Variants in PRKN observed in about 807,000 individuals in gnomAD.
The protein encoded by PRKN is parkin RBR E3 ubiquitin protein ligase, also known as E3 ubiquitin-protein ligase parkin.
PRKN carries 56 observed loss-of-function variants against 59.5 expected under a neutral mutation model. That is an observed-to-expected ratio of 0.94 (90% confidence interval 0.76 to 1.18). PRKN has a LOEUF of 1.18. Ranked by LOEUF, PRKN falls within the 50% of genes most tolerant of loss-of-function variation. The pLI, the probability that PRKN is intolerant of heterozygous loss-of-function variation, is 0.00. For synonymous variants in PRKN, 250 were observed against 222.1 expected, an observed-to-expected ratio of 1.13 and a Z score of -1.12; for missense variants, 657 against 596.4, an observed-to-expected ratio of 1.10 and a Z score of -1.06.
chr6:162,498,218 A>G (rs1793160517), intron 1 of PRKN, among the ~76,000 whole-genome samples: 1 of 151,928 alleles, frequency 6.6e-6, no homozygotes, highest in Non-Finnish European at 1.5e-5. Flanking sequence ...TGTTCAGTCT[A>G]TTGTGTACAA....
chr6:161,770,774 A>G (rs941732061), intron 7 of PRKN, among the ~76,000 whole-genome samples: 1 of 152,056 alleles, frequency 6.6e-6, no homozygotes, highest in Non-Finnish European at 1.5e-5. Flanking sequence ...GGCCGGCAAC[A>G]GGGCCTTTAA....
In PRKN at chr6:162,536,477, A is replaced by T. The variant is rs573597243; in HGVS notation, c.8-93004T>A. The stretch of plus-strand genomic sequence containing the variant: ...AAGGTCACCTGCTTTAAAAAAAATA[A>T]AGACAACACATGGAACTCAGTAGAG... On this transcript the variant is annotated intron_variant, in intron 1 of 11. Transcript: ENST00000366898. 3.9e-5 allele frequency among the ~76,000 whole-genome samples: 6 copies of T among 152,224 alleles called. No individual in the cohort carries two copies. The South Asian group carries it at 1.2e-3, about 32-fold the overall frequency.
At chr6:161,688,932 A>G (rs1384399592) in intron 7 of PRKN, among the ~76,000 whole-genome samples, 4 of 152,190 alleles carry the variant, frequency 2.6e-5, no homozygotes, top group South Asian at 4.1e-4. Flanking sequence ...ATGATTGCCA[A>G]TTCATTCAGA....
At chr6:162,229,617 C>A (rs1778334592) in intron 3 of PRKN, among the ~76,000 whole-genome samples, 1 of 152,198 alleles carries the variant, frequency 6.6e-6, no homozygotes, top group Admixed American at 6.5e-5. Flanking sequence ...ATCACCAGTT[C>A]ATTCCCAGAT....
rs1042862895 is a variant in PRKN at position 161,471,661 on chromosome 6, C to T, written c.1083+77193G>A. Among the ~76,000 whole-genome samples, 2 of 152,102 alleles carry T rather than the reference C, an allele frequency of 1.3e-5. No homozygotes were observed. Among genetic ancestry groups the T allele is most frequent in the African/African-American group, 2.4e-5 (1 of 41,416 alleles). ...TCAGGATTCAAAAACATCCCCCCAC[C>T]GTCTGACATCACTGGGTAATCTAAC... On this transcript the variant is annotated intron_variant, in intron 9 of 11. Coordinates refer to ENST00000366898, the MANE Select transcript of PRKN (RefSeq NM_004562.3). This position sits in a 1 kb window ranked among gnomAD's most constrained non-coding sequence, Gnocchi z 4.5.
At chr6:161,398,514 G>A (rs922408447) in intron 9 of PRKN, among the ~76,000 whole-genome samples, 1 of 152,104 alleles carries the variant, frequency 6.6e-6, no homozygotes, top group African/African-American at 2.4e-5. Context: ...TAGAGACCCT[G>A]TTCTAGCTCA....
intron 9 of PRKN, among the ~76,000 whole-genome samples, chr6:161,496,265 C>A (rs1185041223): frequency 6.6e-6 from 1 of 152,162 alleles, no homozygotes; most frequent in Non-Finnish European, 1.5e-5. Context: ...TGAGTTGTAT[C>A]CCTTACAAAG....
intron 7 of PRKN, among the ~76,000 whole-genome samples, chr6:161,694,537 T>C (rs539072171): frequency 4.0e-4 from 61 of 152,258 alleles, no homozygotes; most frequent in African/African-American, 1.5e-3. Flanking sequence ...TTTTTAACTG[T>C]AGAAAAGGAT....
At chr6:162,300,783 AC>A (rs1377093372) in intron 2 of PRKN, among the ~76,000 whole-genome samples, 1 of 152,150 alleles carries the variant, frequency 6.6e-6, no homozygotes, top group Non-Finnish European at 1.5e-5. Context: ...TGTAACCTGT[AC>A]TCAGATCCAT....
rs1446698154 is a variant in PRKN at position 161,357,014 on chromosome 6, A to T, written c.1285+3074T>A. Reference sequence around the variant, plus strand: ...CCAAACAACCACGGAGGAGAGAAACAGAAAGCAACAGGTCCAGGTTCGCTG... The same window carrying T: ...CCAAACAACCACGGAGGAGAGAAACTGAAAGCAACAGGTCCAGGTTCGCTG... On this transcript the variant is annotated intron_variant, in intron 11 of 11. Transcript: ENST00000366898. This position sits in a 1 kb window ranked among gnomAD's most constrained non-coding sequence, Gnocchi z 5.5. Among the ~76,000 whole-genome samples, 2 of 151,562 alleles carry T rather than the reference A, an allele frequency of 1.3e-5. No homozygotes were observed.
At chr6:162,569,200 C>A in intron 1 of PRKN, 1 of 572,310 alleles carries the variant, frequency 1.7e-6, no homozygotes, top group African/African-American at 1.9e-5. Context: ...CTGAGATCTC[C>A]AAGATGAACT....
intron 1 of PRKN, among the ~76,000 whole-genome samples, chr6:162,705,253 C>T (rs1228776900): frequency 2.0e-5 from 3 of 152,116 alleles, no homozygotes; most frequent in South Asian, 4.1e-4. Flanking sequence ...TAAAGTGATA[C>T]CCTTGAAAAT....
intron 9 of PRKN, among the ~76,000 whole-genome samples, chr6:161,477,505 C>A: frequency 3.1e-5 from 3 of 98,320 alleles, no homozygotes; most frequent in Non-Finnish European, 2.0e-5. Flanking sequence ...AATGAAACTC[C>A]ATCTCAAAAA....
At chr6:162,638,207 T>TGAACTGTAAG (rs1491184079) in intron 1 of PRKN, among the ~76,000 whole-genome samples, 35,076 of 151,932 alleles carry the variant, frequency 0.23, 4,816 homozygotes, top group African/African-American at 0.37. Flanking sequence ...ATATTATCCC[T>TGAACTGTAAG]ATGTTTATTA....
chr6:161,687,342 T>A (rs1281214137), intron 7 of PRKN, among the ~76,000 whole-genome samples: 24 of 108,508 alleles, frequency 2.2e-4, no homozygotes, highest in African/African-American at 8.4e-4. Flanking sequence ...TGAGCCGAGA[T>A]CGCACCACTG....
rs1790292772 is a variant in PRKN at position 161,463,049 on chromosome 6, T to C, written c.1084-76172A>G. 1.3e-5 allele frequency among the ~76,000 whole-genome samples: 2 copies of C among 152,144 alleles called. No homozygotes were observed. Among genetic ancestry groups the C allele is most frequent in the African/African-American group, 2.4e-5 (1 of 41,424 alleles). ...GAGAGATAAATACTTACATAAATACTAAATAGAGAAAAAACTACCTAATGA... is the reference window on the plus strand; with the variant it reads ...GAGAGATAAATACTTACATAAATACCAAATAGAGAAAAAACTACCTAATGA... On this transcript the variant is annotated intron_variant, in intron 9 of 11. Coordinates refer to ENST00000366898, the MANE Select transcript of PRKN (RefSeq NM_004562.3). The surrounding 1 kb of genome is among the most constrained non-coding windows in gnomAD (Gnocchi z 4.8).
At chr6:162,586,110 C>T (rs146872028) in intron 1 of PRKN, among the ~76,000 whole-genome samples, 2 of 152,154 alleles carry the variant, frequency 1.3e-5, no homozygotes, top group South Asian at 4.1e-4. Context: ...GTCACCAAGG[C>T]ACCCAATAGA....
At position 161,629,366 on chromosome 6, in the gene PRKN, G is replaced by C. The variant is rs569958940; in HGVS notation, c.872-59950C>G. 7.2e-5 allele frequency among the ~76,000 whole-genome samples: 11 copies of C among 152,136 alleles called. No homozygotes were observed. In the South Asian group the frequency reaches 2.1e-3, roughly 29 times the overall value. On this transcript the variant is annotated intron_variant, in intron 7 of 11. Coordinates refer to ENST00000366898, the MANE Select transcript of PRKN (RefSeq NM_004562.3). ...CATCGGTTAGGGTGCAGTCAGGAGC[G>C]ATTTCAGAAGCCGCACTACAAGCCT...
intron 6 of PRKN, among the ~76,000 whole-genome samples, chr6:161,960,567 A>G (rs1192419244): frequency 6.6e-6 from 1 of 152,198 alleles, no homozygotes; most frequent in Non-Finnish European, 1.5e-5. Flanking sequence ...CCATATTTAT[A>G]AGAATAATGC....
Sources: allele counts gnomAD v4.1 joint callset (sites outside exome capture counted in the v4.1 genomes callset), GRCh38; gene constraint gnomAD v4.1.1; non-coding constraint Gnocchi (gnomAD v3.1); transcripts MANE v1.5; gene names NCBI Gene and HGNC (gene_info 2026-07-23, HGNC 2026-07-21).